ZSWIM6: variants seen among roughly 807,000 people sequenced by gnomAD.
The protein encoded by ZSWIM6 is zinc finger SWIM-type containing 6.
In ZSWIM6, 9 loss-of-function variants were observed where a neutral mutation model predicts 113.2. The observed-to-expected ratio is 0.08, with a 90% CI of 0.05 to 0.14. The LOEUF (loss-of-function observed/expected upper bound fraction) is 0.14. ZSWIM6 is among the 10% of genes least tolerant of loss of function. ZSWIM6 has a pLI of 1.00. For missense variants in ZSWIM6, 1,162 were observed against 1,552.2 expected (o/e 0.75, Z 4.22); for synonymous variants, 611 against 606.5 (o/e 1.01, Z -0.11).
chr5:61,517,335 T>C (rs990053377), intron 4 of ZSWIM6, among the ~76,000 whole-genome samples: 8 of 152,152 alleles, frequency 5.3e-5, no homozygotes. Flanking sequence ...TTTTCTCTCT[T>C]TTCTTCAGTT....
intron 4 of ZSWIM6, among the ~76,000 whole-genome samples, 168 bp downstream of exon 4, chr5:61,494,578 G>C (rs1481120736): frequency 6.6e-6 from 1 of 152,082 alleles, no homozygotes; most frequent in Non-Finnish European, 1.5e-5. Context: ...ACTTGGGCTG[G>C]CATTTACAGA....
At chr5:61,360,911 G>C (rs559592883) in intron 1 of ZSWIM6, among the ~76,000 whole-genome samples, 1 of 152,006 alleles carries the variant, frequency 6.6e-6, no homozygotes, top group Non-Finnish European at 1.5e-5. Flanking sequence ...CTTTCTCTAC[G>C]CATTCCTTAG....
chr5:61,463,604 C>A (rs1196584908), intron 1 of ZSWIM6, among the ~76,000 whole-genome samples: 2 of 152,198 alleles, frequency 1.3e-5, no homozygotes, highest in Non-Finnish European at 2.9e-5. Context: ...GTTCTTTCAT[C>A]TTAACAAATT....
rs552323980 is a variant in ZSWIM6 at position 61,367,560 on chromosome 5, TTTG to T, written c.676+34619_676+34621del. Among the ~76,000 whole-genome samples the T allele has an allele frequency of 1.8e-3, 276 of 152,296 alleles. 1 individual carries two copies. The highest frequency in any genetic ancestry group is 3.7e-3 in the Admixed American group (56 of 15,304). On this transcript the variant is annotated intron_variant, in intron 1 of 13. Coordinates refer to ENST00000252744, the MANE Select transcript of ZSWIM6 (RefSeq NM_020928.2). ...ACTTTACCCAGGTCCTTACGTGCCTTTTGTTGTTGAGAAGTGCAAGAACATTTT... is the reference window on the plus strand; with the variant it reads ...ACTTTACCCAGGTCCTTACGTGCCTTTTGTTGAGAAGTGCAAGAACATTTT...
chr5:61,458,742 G>T (rs1340064757), intron 1 of ZSWIM6, among the ~76,000 whole-genome samples: 3 of 152,026 alleles, frequency 2.0e-5, no homozygotes, highest in African/African-American at 7.2e-5. Context: ...GCTGGGCATG[G>T]TGGCAGGCAC....
At chr5:61,421,892 A>AT (rs1746362965) in intron 1 of ZSWIM6, among the ~76,000 whole-genome samples, 1 of 152,042 alleles carries the variant, frequency 6.6e-6, no homozygotes, top group South Asian at 2.1e-4. Context: ...AATGTTGCCC[A>AT]TTTTTTAATC....
At chr5:61,536,106 A>G (rs1194402967) in intron 10 of ZSWIM6, among the ~76,000 whole-genome samples, 1 of 152,206 alleles carries the variant, frequency 6.6e-6, no homozygotes, top group Non-Finnish European at 1.5e-5. Context: ...GGCTGAGAGA[A>G]GGTGGGACGT....
chr5:61,372,552 T>G, intron 1 of ZSWIM6, among the ~76,000 whole-genome samples: 1 of 152,180 alleles, frequency 6.6e-6, no homozygotes, highest in East Asian at 1.9e-4. Context: ...TCTTACCTCT[T>G]TGGTAACTCC....
intron 9 of ZSWIM6, among the ~76,000 whole-genome samples, chr5:61,532,209 T>C (rs1749455832): frequency 6.6e-6 from 1 of 152,136 alleles, no homozygotes; most frequent in Non-Finnish European, 1.5e-5. Context: ...GCTGTGCGAG[T>C]GAATTTCTGC....
At chr5:61,519,160 GT>G (rs1561275370) in intron 4 of ZSWIM6, among the ~76,000 whole-genome samples, 1 of 152,092 alleles carries the variant, frequency 6.6e-6, no homozygotes, top group Non-Finnish European at 1.5e-5. Context: ...ACCATAAATT[GT>G]TTCCCCTCCA....
intron 1 of ZSWIM6, among the ~76,000 whole-genome samples, chr5:61,378,389 C>T (rs1319143774): frequency 1.3e-5 from 2 of 152,108 alleles, no homozygotes; most frequent in African/African-American, 2.4e-5. Context: ...AGATGTAGAA[C>T]AGTATATGTG....
intron 4 of ZSWIM6, among the ~76,000 whole-genome samples, chr5:61,514,420 A>T (rs1475831206): frequency 6.6e-6 from 1 of 151,974 alleles, no homozygotes; most frequent in Non-Finnish European, 1.5e-5. Flanking sequence ...TGCTGAATAG[A>T]AGTGGTAAGA....
intron 12 of ZSWIM6, among the ~76,000 whole-genome samples, chr5:61,540,488 A>G (rs1749699124): frequency 6.6e-6 from 1 of 152,168 alleles, no homozygotes; most frequent in African/African-American, 2.4e-5. Flanking sequence ...TGATTGGATA[A>G]TTAATCTGGT....
chr5:61,363,530 A>G (rs527683557), intron 1 of ZSWIM6, among the ~76,000 whole-genome samples: 1 of 152,296 alleles, frequency 6.6e-6, no homozygotes, highest in East Asian at 1.9e-4. Context: ...TTTTAGACTC[A>G]ACATATTTTC....
chr5:61,442,463 A>G (rs1746861287), intron 1 of ZSWIM6, among the ~76,000 whole-genome samples: 1 of 152,144 alleles, frequency 6.6e-6, no homozygotes, highest in Non-Finnish European at 1.5e-5. Context: ...GTTTAATCTA[A>G]TACATAGTTT....
At chr5:61,509,294 A>G (rs1394606925) in intron 4 of ZSWIM6, among the ~76,000 whole-genome samples, 1 of 128,892 alleles carries the variant, frequency 7.8e-6, no homozygotes, top group Non-Finnish European at 1.7e-5. Flanking sequence ...TTTTCCCCAA[A>G]ATAAGTTCTG....
At chr5:61,417,801 CTG>C in intron 1 of ZSWIM6, among the ~76,000 whole-genome samples, 1 of 152,134 alleles carries the variant, frequency 6.6e-6, no homozygotes, top group East Asian at 1.9e-4. Context: ...GATTGTTTAT[CTG>C]TGAATTTTTA....
At chr5:61,344,147 G>T (rs1232312263) in intron 1 of ZSWIM6, among the ~76,000 whole-genome samples, 2 of 152,144 alleles carry the variant, frequency 1.3e-5, no homozygotes, top group Non-Finnish European at 2.9e-5. Context: ...CATCCACCTT[G>T]GCCTCCCAGA....
intron 1 of ZSWIM6, among the ~76,000 whole-genome samples, chr5:61,362,264 T>G (rs1162422809): frequency 6.6e-6 from 1 of 151,950 alleles, no homozygotes; most frequent in East Asian, 1.9e-4. Context: ...AATGGCCCCA[T>G]CTTGGCTCAC....
Sources: gnomAD v4.1 joint callset for allele counts (sites outside exome capture counted in the v4.1 genomes callset) on GRCh38, gnomAD v4.1.1 for gene constraint, MANE v1.5 for transcripts, NCBI Gene and HGNC (gene_info 2026-07-23, HGNC 2026-07-21) for gene names.